Variants in DOCK2 observed in about 807,000 individuals in gnomAD.
DOCK2 encodes the protein dedicator of cytokinesis protein 2.
Under a neutral mutation model 248.9 loss-of-function variants are expected in DOCK2, and 87 were observed. The observed-to-expected ratio is 0.35, with a 90% confidence interval of 0.29 to 0.42. The LOEUF (loss-of-function observed/expected upper bound fraction) is 0.42, where lower values mean the gene tolerates loss of function less well. Ranked by LOEUF, DOCK2 falls within the 10% of genes least tolerant of loss-of-function variation. DOCK2 has a pLI of 1.00. For missense variants in DOCK2, 1,747 were observed against 2,300.2 expected, an observed-to-expected ratio of 0.76 and a Z score of 4.92; for synonymous variants, 805 against 821.6, an observed-to-expected ratio of 0.98 and a Z score of 0.35.
At position 169,742,715 on chromosome 5, in the gene DOCK2, A is replaced by G. The variant is rs187127172; in HGVS notation, c.2268-4681A>G. Among the ~76,000 whole-genome samples, 6 of 152,280 alleles carry G rather than the reference A, an allele frequency of 3.9e-5. No individual in the cohort carries two copies. In the East Asian group the frequency reaches 1.2e-3, roughly 29 times the overall value. On this transcript the variant is annotated intron_variant, in intron 22 of 51. Transcript: ENST00000520908. ...TCAGTTTTGGGCTGAGGCTTTATGTACCTGCGTGAAAGAGGTGGTACAGAG... is the reference window on the plus strand; with the variant it reads ...TCAGTTTTGGGCTGAGGCTTTATGTGCCTGCGTGAAAGAGGTGGTACAGAG...
intron 22 of DOCK2, among the ~76,000 whole-genome samples, chr5:169,739,990 TG>T (rs1478441699): frequency 1.3e-5 from 2 of 152,224 alleles, no homozygotes; most frequent in African/African-American, 2.4e-5. Flanking sequence ...CTAATTATAT[TG>T]GGGGGAAAAA....
At chr5:169,700,657 C>A (rs1201542314) in intron 13 of DOCK2, among the ~76,000 whole-genome samples, 1 of 151,908 alleles carries the variant, frequency 6.6e-6, no homozygotes, top group African/African-American at 2.4e-5. Flanking sequence ...CACTACATTT[C>A]CAAATGTGTG....
chr5:169,866,177 T>C (rs1771544859), intron 27 of DOCK2, among the ~76,000 whole-genome samples: 1 of 152,220 alleles, frequency 6.6e-6, no homozygotes, highest in Admixed American at 6.5e-5. Flanking sequence ...TTGTTTTGTT[T>C]CTGCATTTTT....
At chr5:169,949,371 A>G (rs1302179738) in intron 27 of DOCK2, among the ~76,000 whole-genome samples, 1 of 152,128 alleles carries the variant, frequency 6.6e-6, no homozygotes, top group Non-Finnish European at 1.5e-5. Context: ...GAGAGGAGAG[A>G]TCCCATTCCA....
Position 170,067,596 on chromosome 5 carries a change from T to G in DOCK2, c.4554T>G (p.Ser1518Arg). 6.2e-7 allele frequency: 1 copy of G among 1,613,764 alleles called. No individual in the cohort carries two copies. Among genetic ancestry groups the G allele is most frequent in the Non-Finnish European group, 8.5e-7 (1 of 1,179,906 alleles). ...TGATGATGATAAACCAGTACCAGAG[T>G]GATGAGACCCTCCCCATCAACCCAC... Reference protein sequence around the residue: ...KILMMINQYQSDETLPINPLS... With the variant: ...KILMMINQYQRDETLPINPLS... Residue 1518 changes from serine to arginine, a missense_variant, in exon 45 of 52, where the codon AGT becomes AGG. Ser to Arg is a moderately radical substitution (Grantham distance 110, BLOSUM62 -1). Transcript: ENST00000520908.
chr5:169,996,185 C>A (rs757015907), intron 30 of DOCK2, 21 bp downstream of exon 30: 1 of 1,612,206 alleles, frequency 6.2e-7, no homozygotes, highest in Non-Finnish European at 8.5e-7. Context: ...GCCACCAGAG[C>A]TACCCTTGGA....
At chr5:170,052,413 T>TG (rs745365917) in intron 41 of DOCK2, among the ~76,000 whole-genome samples, 53 of 152,268 alleles carry the variant, frequency 3.5e-4, no homozygotes, top group East Asian at 2.1e-3. Context: ...AGAGAGTACG[T>TG]GTTCCTGGGA....
At chr5:169,822,313 A>G (rs552723269) in intron 26 of DOCK2, among the ~76,000 whole-genome samples, 14 of 152,360 alleles carry the variant, frequency 9.2e-5, no homozygotes, top group African/African-American at 2.6e-4. Context: ...AACAGAATAT[A>G]CATTCTTTTC....
intron 27 of DOCK2, among the ~76,000 whole-genome samples, chr5:169,893,588 A>G (rs936328450): frequency 2.0e-5 from 3 of 151,846 alleles, no homozygotes; most frequent in Admixed American, 6.6e-5. Flanking sequence ...AGAAGAATCT[A>G]GAATCTTTTT....
At chr5:170,011,455 A>T (rs1482075167) in intron 32 of DOCK2, among the ~76,000 whole-genome samples, 1 of 149,002 alleles carries the variant, frequency 6.7e-6, no homozygotes, top group Non-Finnish European at 1.5e-5. Flanking sequence ...ATGCAATTAA[A>T]AGATACATCT....
intron 39 of DOCK2, among the ~76,000 whole-genome samples, chr5:170,047,145 A>G (rs938886507): frequency 6.6e-6 from 1 of 152,156 alleles, no homozygotes; most frequent in Admixed American, 6.5e-5. Context: ...CCAAGTGTGC[A>G]TGGAGGTGGG....
intron 28 of DOCK2, 138 bp downstream of exon 28, chr5:169,983,304 C>T (rs1777987333): frequency 4.5e-5 from 41 of 913,380 alleles, no homozygotes; most frequent in South Asian, 3.8e-4. Context: ...GAATCACAGA[C>T]ATTTTGGGGT....
At chr5:169,955,213 G>T (rs905255957) in intron 27 of DOCK2, among the ~76,000 whole-genome samples, 2 of 152,212 alleles carry the variant, frequency 1.3e-5, no homozygotes, top group African/African-American at 4.8e-5. Context: ...GTTCAGAGTG[G>T]TCCTGCAGGA....
chr5:170,029,517 C>T (rs1164830279), intron 34 of DOCK2, among the ~76,000 whole-genome samples: 18 of 152,134 alleles, frequency 1.2e-4, no homozygotes, highest in Admixed American at 1.2e-3. Flanking sequence ...ATAATAAGCT[C>T]CTGTGGTTAT....
rs56040572 is a variant in DOCK2 at position 169,939,203 on chromosome 5, CT to C, written c.2800-43851del. ...ACAGGCGTGAGCCACTGTGCCCGGC[CT>C]TTTTTTTTTTTTTAAACTTTTTAAG... is the stretch of plus-strand genomic sequence containing the variant. On this transcript the variant is annotated intron_variant, in intron 27 of 51. Coordinates refer to ENST00000520908, the MANE Select transcript of DOCK2 (RefSeq NM_004946.3). Among the ~76,000 whole-genome samples the C allele has an allele frequency of 2.6e-3, 369 of 143,536 alleles. 1 individual carries two copies. The highest frequency in any genetic ancestry group is 0.011 in the Middle Eastern group (3 of 270). 94.2% of individuals were successfully genotyped at this position (143,536 alleles called of 152,430 possible).
intron 32 of DOCK2, among the ~76,000 whole-genome samples, chr5:170,010,360 T>C (rs1272108230): frequency 3.3e-5 from 5 of 152,196 alleles, no homozygotes; most frequent in Non-Finnish European, 5.9e-5. Flanking sequence ...TAGGAAATAA[T>C]TGACGTTTCA....
At chr5:169,826,289 T>C (rs138449894) in intron 26 of DOCK2, among the ~76,000 whole-genome samples, 1 of 152,170 alleles carries the variant, frequency 6.6e-6, no homozygotes, top group Non-Finnish European at 1.5e-5. Flanking sequence ...TTTGGAGTGG[T>C]TGAGCTCCCA....
intron 27 of DOCK2, among the ~76,000 whole-genome samples, chr5:169,961,978 C>CAAAACAAAAAAAAAAAAAAAA (rs1777104977): frequency 1.3e-5 from 1 of 74,652 alleles, no homozygotes. Flanking sequence ...GACTCTGTCC[C>CAAAACAAAAAAAAAAAAAAAA]AAAAAAAAAA....
intron 27 of DOCK2, among the ~76,000 whole-genome samples, chr5:169,915,062 C>T (rs575838523): frequency 6.6e-6 from 1 of 152,316 alleles, no homozygotes; most frequent in South Asian, 2.1e-4. Context: ...GTCTTCACCC[C>T]AGAGCCACTT....
Sources: allele counts gnomAD v4.1 joint callset (sites outside exome capture counted in the v4.1 genomes callset), GRCh38; gene constraint gnomAD v4.1.1; transcripts MANE v1.5; gene names NCBI Gene and HGNC (gene_info 2026-07-23, HGNC 2026-07-21).